RNF13: variants seen among roughly 807,000 people sequenced by gnomAD.
The protein encoded by RNF13 is E3 ubiquitin-protein ligase RNF13.
In RNF13, 19 loss-of-function variants were observed where a neutral mutation model predicts 37.7. The observed-to-expected ratio is 0.50, with a 90% CI of 0.35 to 0.74. The LOEUF is 0.74. Among genes scored for constraint, RNF13 ranks in the 30% least tolerant of loss-of-function variants. RNF13 has a pLI of 0.01. For synonymous variants in RNF13, 144 were observed against 157.8 expected, an observed-to-expected ratio of 0.91 and a Z score of 0.65; for missense variants, 375 against 453.0, an observed-to-expected ratio of 0.83 and a Z score of 1.56.
In RNF13 at chr3:149,949,082, C is replaced by T. The variant is rs147601225; in HGVS notation, c.701-10974C>T. Among the ~76,000 whole-genome samples, 25 of 151,874 alleles carry T rather than the reference C, an allele frequency of 1.6e-4. No individual in the cohort carries two copies. The East Asian group carries it at 3.9e-3, about 23-fold the overall frequency. On this transcript the variant is annotated intron_variant, in intron 8 of 9. Transcript: ENST00000392894. The stretch of plus-strand genomic sequence containing the variant: ...ATAAGTGATTTACTCACCTACATTA[C>T]AATAATACAGGATTCTATATTTGTC...
chr3:149,899,474 G>A (rs749890823), intron 5 of RNF13, among the ~76,000 whole-genome samples: 29 of 151,690 alleles, frequency 1.9e-4, no homozygotes, highest in African/African-American at 5.6e-4. Flanking sequence ...ATGAATGAAT[G>A]AATAAATAAA....
chr3:149,933,375 G>A (rs1179515163), intron 8 of RNF13, among the ~76,000 whole-genome samples: 1 of 151,310 alleles, frequency 6.6e-6, no homozygotes, highest in Non-Finnish European at 1.5e-5. Flanking sequence ...TTTGAATGCT[G>A]CACACTTACA....
chr3:149,921,356 G>T (rs956655851), intron 8 of RNF13, 129 bp downstream of exon 8: 11 of 242,762 alleles, frequency 4.5e-5, no homozygotes, highest in African/African-American at 2.5e-4. Context: ...CAACGTGCAG[G>T]TTTGTTACAT....
chr3:149,879,506 T>C (rs1396745348), intron 4 of RNF13, among the ~76,000 whole-genome samples: 1 of 151,882 alleles, frequency 6.6e-6, no homozygotes, highest in African/African-American at 2.4e-5. Flanking sequence ...GGGGGTCTTG[T>C]TATGTTGCTC....
chr3:149,951,873 G>A (rs1412884822), intron 8 of RNF13, among the ~76,000 whole-genome samples: 1 of 152,066 alleles, frequency 6.6e-6, no homozygotes, highest in East Asian at 1.9e-4. Context: ...GAGGATACAC[G>A]AGCAGCTAAA....
intron 1 of RNF13, among the ~76,000 whole-genome samples, chr3:149,837,458 C>T (rs915232369): frequency 6.6e-6 from 1 of 152,090 alleles, no homozygotes; most frequent in Non-Finnish European, 1.5e-5. Context: ...ATAAAGACAC[C>T]TGAGACTGGG....
At chr3:149,949,000 C>G (rs1285178498) in intron 8 of RNF13, among the ~76,000 whole-genome samples, 1 of 152,022 alleles carries the variant, frequency 6.6e-6, no homozygotes, top group Non-Finnish European at 1.5e-5. Flanking sequence ...TGCACTCCAG[C>G]CTGGGTGACA....
chr3:149,850,947 A>C (rs1433400490), intron 2 of RNF13, among the ~76,000 whole-genome samples: 1 of 152,210 alleles, frequency 6.6e-6, no homozygotes, highest in Non-Finnish European at 1.5e-5. Context: ...GCAATGGGAA[A>C]TCACGCTGAA....
chr3:149,869,466 C>T (rs1032452443), intron 3 of RNF13, among the ~76,000 whole-genome samples: 1 of 151,536 alleles, frequency 6.6e-6, no homozygotes, highest in African/African-American at 2.4e-5. Context: ...ATTAGCCGGG[C>T]GTAGTGGCGG....
intron 6 of RNF13, among the ~76,000 whole-genome samples, chr3:149,911,468 G>A (rs1716989905): frequency 1.3e-5 from 2 of 152,052 alleles, no homozygotes; most frequent in African/African-American, 4.8e-5. Flanking sequence ...GACCACCCTG[G>A]CCAACATGGC....
intron 8 of RNF13, among the ~76,000 whole-genome samples, chr3:149,930,598 C>A (rs1430288923): frequency 6.6e-6 from 1 of 152,114 alleles, no homozygotes; most frequent in Non-Finnish European, 1.5e-5. Flanking sequence ...TTATGATATA[C>A]CCTCTGCTGT....
Position 149,852,574 on chromosome 3 carries a change from G to C in RNF13, c.173G>C (p.Arg58Thr). ...FDDLPARFGY[R>T]LPAEGLKGFL... ...GACCTCCCTGCAAGATTTGGTTATA[G>C]ACTTCCAGCTGAAGGTTTAAAGGTA... The change falls in exon 3 of 10, where the codon AGA becomes ACA. Residue 58 changes from arginine (R) to threonine (T), a missense_variant. Transcript: ENST00000392894. 1 of 1,559,700 alleles carries C rather than the reference G, an allele frequency of 6.4e-7. No individual in the cohort carries two copies. The highest frequency in any genetic ancestry group is 8.7e-7 in the Non-Finnish European group (1 of 1,145,180).
In RNF13 at chr3:149,872,113, A is replaced by G. The variant is rs746352947; in HGVS notation, c.280A>G (p.Ile94Val). ...AAAAGACAATTCATCTGGCACTTTC[A>G]TCGTGTTAATTAGAAGACTTGATTG... is the stretch of plus-strand genomic sequence containing the variant. The part of the protein sequence containing the change: ...PVKDNSSGTF[I>V]VLIRRLDCNF... Residue 94 changes from isoleucine to valine, a missense_variant, in exon 4 of 10, where the codon ATC (isoleucine) becomes GTC (valine). By Grantham distance (29) the Ile-to-Val change is conservative. Transcript: ENST00000392894. The G allele has an allele frequency of 8.8e-6, 14 of 1,599,686 alleles. No individual in the cohort carries two copies. Among genetic ancestry groups the G allele is most frequent in the South Asian group, 1.1e-5 (1 of 89,626 alleles).
chr3:149,881,521 G>A (rs1327661061), intron 4 of RNF13, among the ~76,000 whole-genome samples: 2 of 152,064 alleles, frequency 1.3e-5, no homozygotes, highest in South Asian at 2.1e-4. Context: ...AGTAGAGATG[G>A]GGTTTCACCA....
Position 149,952,284 on chromosome 3 carries a change from C to T in RNF13, c.701-7772C>T, listed in dbSNP as rs1721418760. Among the ~76,000 whole-genome samples the T allele has an allele frequency of 2.0e-5, 3 of 152,000 alleles. No individual in the cohort carries two copies. The South Asian group carries it at 6.2e-4, about 31-fold the overall frequency. ...ATTTAGAAGGAAATTTTATGTATGA[C>T]TTCCTGTAGTCACCTTTGCCACTCA... is the stretch of plus-strand genomic sequence containing the variant. On this transcript the variant is annotated intron_variant, in intron 8 of 9. Coordinates refer to ENST00000392894, the MANE Select transcript of RNF13 (RefSeq NM_183381.3).
intron 2 of RNF13, 117 bp downstream of exon 2, chr3:149,846,257 C>G: frequency 3.1e-6 from 2 of 636,878 alleles, no homozygotes; most frequent in South Asian, 1.9e-5. Flanking sequence ...AAAAACATAC[C>G]CCAACACATA....
At chr3:149,952,930 G>C (rs1366629963) in intron 8 of RNF13, among the ~76,000 whole-genome samples, 1 of 152,074 alleles carries the variant, frequency 6.6e-6, no homozygotes, top group East Asian at 1.9e-4. Context: ...TTGAGGTCTG[G>C]CACAATATTT....
chr3:149,830,553 T>C (rs1248082686), intron 1 of RNF13, among the ~76,000 whole-genome samples: 1 of 95,696 alleles, frequency 1.0e-5, no homozygotes, highest in Non-Finnish European at 2.0e-5. Flanking sequence ...ATTTGAGTAC[T>C]CTTAAAAGCA....
At chr3:149,950,032 C>T (rs1721162788) in intron 8 of RNF13, among the ~76,000 whole-genome samples, 1 of 151,956 alleles carries the variant, frequency 6.6e-6, no homozygotes, top group Non-Finnish European at 1.5e-5. Flanking sequence ...GTGACATGTC[C>T]TTAAGCTCAA....
Sources: allele counts gnomAD v4.1 joint callset (sites outside exome capture counted in the v4.1 genomes callset), GRCh38; gene constraint gnomAD v4.1.1; transcripts MANE v1.5; gene names NCBI Gene and HGNC (gene_info 2026-07-23, HGNC 2026-07-21).